Variants in RBFOX1 observed in about 807,000 individuals in gnomAD.
RBFOX1 encodes the protein RNA binding protein fox-1 homolog 1.
In RBFOX1, 8 loss-of-function variants were observed where a neutral mutation model predicts 57.7. The ratio of observed to expected loss-of-function variants is 0.14; its 90% confidence interval spans 0.08 to 0.25. RBFOX1 has a LOEUF of 0.25. Ranked by LOEUF, RBFOX1 falls within the 10% of genes least tolerant of loss-of-function variation. The pLI, the probability that RBFOX1 is intolerant of heterozygous loss-of-function variation, is 1.00. For missense variants in RBFOX1, 611 were observed against 548.5 expected (o/e 1.11, Z -1.14); for synonymous variants, 326 against 222.4 (o/e 1.47, Z -4.15).
At chr16:5,679,009 G>A (rs892487429) in intron 3 of RBFOX1, among the ~76,000 whole-genome samples, 34 of 152,146 alleles carry the variant, frequency 2.2e-4, no homozygotes, top group Non-Finnish European at 4.4e-4. Flanking sequence ...ATGCAAAATG[G>A]GATAATTGAA....
At chr16:6,994,442 A>T (rs141873061) in intron 3 of RBFOX1, among the ~76,000 whole-genome samples, 1 of 152,202 alleles carries the variant, frequency 6.6e-6, no homozygotes, top group East Asian at 1.9e-4. Context: ...AACCACCCCC[A>T]GCTCTCTCTT....
intron 1 of RBFOX1, among the ~76,000 whole-genome samples, chr16:5,360,660 T>A (rs555589865): frequency 6.6e-6 from 1 of 152,250 alleles, no homozygotes; most frequent in African/African-American, 2.4e-5. Flanking sequence ...CTGTGACTAA[T>A]GTGAGGAAGA....
intron 4 of RBFOX1, among the ~76,000 whole-genome samples, chr16:7,276,551 C>T (rs1268004397): frequency 6.6e-6 from 1 of 151,930 alleles, no homozygotes; most frequent in Non-Finnish European, 1.5e-5. Flanking sequence ...CTATCCTTGA[C>T]TGATTTTTTT....
At chr16:6,714,146 C>G (rs718971) in intron 3 of RBFOX1, among the ~76,000 whole-genome samples, 100,289 of 151,988 alleles carry the variant, frequency 0.66, 33,547 homozygotes, top group Middle Eastern at 0.84. Flanking sequence ...TGCACTCTCA[C>G]GCTCTCTCTC....
At chr16:7,664,757 G>C (rs1050534380) in intron 12 of RBFOX1, 172 bp from the exon 13 acceptor site, 5 of 1,167,012 alleles carry the variant, frequency 4.3e-6, no homozygotes, top group Non-Finnish European at 6.0e-6. Flanking sequence ...TAATTTTCTC[G>C]GTTTGCTCAA....
chr16:6,964,740 C>G (rs957511206), intron 3 of RBFOX1, among the ~76,000 whole-genome samples: 3 of 152,288 alleles, frequency 2.0e-5, no homozygotes, highest in Admixed American at 2.0e-4. Context: ...GCACTTGTCC[C>G]TGCAATTCCT....
chr16:6,050,273 T>G (rs1480262173), intron 1 of RBFOX1, among the ~76,000 whole-genome samples: 1 of 152,212 alleles, frequency 6.6e-6, no homozygotes, highest in African/African-American at 2.4e-5. Context: ...ATTAAGCATC[T>G]TTTAATCAGT....
chr16:6,131,556 A>G (rs1420836319), intron 1 of RBFOX1, among the ~76,000 whole-genome samples: 1 of 152,216 alleles, frequency 6.6e-6, no homozygotes, highest in African/African-American at 2.4e-5. Flanking sequence ...TCTCCAATCT[A>G]TTCCACTCCC....
chr16:5,625,817 C>G (rs1438558747), intron 3 of RBFOX1, among the ~76,000 whole-genome samples: 1 of 152,146 alleles, frequency 6.6e-6, no homozygotes, highest in Non-Finnish European at 1.5e-5. Context: ...CTCAGCCTCC[C>G]AAAGTACTGG....
intron 1 of RBFOX1, among the ~76,000 whole-genome samples, chr16:6,049,790 G>C (rs2095533650): frequency 6.6e-6 from 1 of 152,026 alleles, no homozygotes; most frequent in Non-Finnish European, 1.5e-5. Flanking sequence ...CCCCACATTT[G>C]CATAGCTTCC....
intron 3 of RBFOX1, among the ~76,000 whole-genome samples, chr16:5,704,718 G>A (rs1002273601): frequency 2.0e-5 from 3 of 152,092 alleles, no homozygotes; most frequent in Non-Finnish European, 2.9e-5. Context: ...ATATTTTGGG[G>A]GGCTCTCCCA....
chr16:7,588,142 G>A, intron 7 of RBFOX1, among the ~76,000 whole-genome samples: 1 of 152,170 alleles, frequency 6.6e-6, no homozygotes, highest in South Asian at 2.1e-4. Context: ...TTGCACCACT[G>A]CACCACAGCC....
intron 2 of RBFOX1, among the ~76,000 whole-genome samples, chr16:6,446,194 G>C (rs2094481881): frequency 6.6e-6 from 1 of 152,070 alleles, no homozygotes; most frequent in African/African-American, 2.4e-5. Flanking sequence ...ATTAGAGCCA[G>C]GGTCTTGTCA....
chr16:5,426,465 C>A (rs909486597), intron 1 of RBFOX1, among the ~76,000 whole-genome samples: 16 of 152,212 alleles, frequency 1.1e-4, no homozygotes, highest in African/African-American at 3.9e-4. Context: ...GGGTGTCTGT[C>A]AATAACGGAG....
At chr16:6,899,642 A>T (rs1031166765) in intron 3 of RBFOX1, among the ~76,000 whole-genome samples, 1 of 152,216 alleles carries the variant, frequency 6.6e-6, no homozygotes, top group African/African-American at 2.4e-5. Flanking sequence ...AATGGGAAGA[A>T]TAAACGTCCA....
At chr16:6,304,522 C>T (rs117223274) in intron 1 of RBFOX1, among the ~76,000 whole-genome samples, 46 of 152,096 alleles carry the variant, frequency 3.0e-4, no homozygotes, top group African/African-American at 9.6e-4. Flanking sequence ...CCTACAGAGC[C>T]GTATGCCTGA....
intron 2 of RBFOX1, among the ~76,000 whole-genome samples, chr16:6,382,543 CCTAG>C (rs1331190817): frequency 6.6e-6 from 1 of 152,128 alleles, no homozygotes; most frequent in Non-Finnish European, 1.5e-5. Flanking sequence ...TGAGGAGAAG[CCTAG>C]CTTCATTAAG....
intron 1 of RBFOX1, among the ~76,000 whole-genome samples, chr16:6,262,552 T>G (rs974966762): frequency 5.9e-5 from 9 of 152,218 alleles, no homozygotes; most frequent in Non-Finnish European, 8.8e-5. Flanking sequence ...TATGCGTTTG[T>G]AGTTATTTTG....
At chr16:5,245,957 A>C (rs1181747250) in intron 1 of RBFOX1, among the ~76,000 whole-genome samples, 2 of 152,100 alleles carry the variant, frequency 1.3e-5, no homozygotes, top group African/African-American at 4.8e-5. Flanking sequence ...AATCTTTTAT[A>C]TTCTGGCCGG....
Sources: gnomAD v4.1 joint callset for allele counts (sites outside exome capture counted in the v4.1 genomes callset) on GRCh38, gnomAD v4.1.1 for gene constraint, MANE v1.5 for transcripts, NCBI Gene and HGNC (gene_info 2026-07-23, HGNC 2026-07-21) for gene names.